The following ARL6IP5 variants were observed in gnomAD, a reference collection of about 807,000 sequenced individuals.
The protein encoded by ARL6IP5 is ARF like GTPase 6 interacting protein 5, also known as PRA1 family protein 3.
Under a neutral mutation model 13.0 loss-of-function variants are expected in ARL6IP5, and 6 were observed. The ratio of observed to expected loss-of-function variants is 0.46; its 90% CI spans 0.25 to 0.91. The LOEUF (loss-of-function observed/expected upper bound fraction) is 0.91, where lower values mean the gene tolerates loss of function less well. Among genes scored for constraint, ARL6IP5 ranks in the 40% least tolerant of loss-of-function variants. The pLI, the probability that ARL6IP5 is intolerant of heterozygous loss-of-function variation, is 0.17. For missense variants in ARL6IP5, 208 were observed against 248.8 expected (o/e 0.84, Z 1.10); for synonymous variants, 91 against 91.9 (o/e 0.99, Z 0.06).
At chr3:69,085,444 T>C (rs894655213) in intron 1 of ARL6IP5, among the ~76,000 whole-genome samples, 1 of 152,050 alleles carries the variant, frequency 6.6e-6, no homozygotes, top group Non-Finnish European at 1.5e-5. Context: ...AGGGGGGCCC[T>C]AGGGGAAAGA....
At chr3:69,101,673 A>G (rs1193992107) in intron 1 of ARL6IP5, among the ~76,000 whole-genome samples, 166 bp from the exon 2 acceptor site, 1 of 152,138 alleles carries the variant, frequency 6.6e-6, no homozygotes, top group Non-Finnish European at 1.5e-5. Flanking sequence ...TGAGAAATGA[A>G]CTAATAGTAT....
chr3:69,091,333 G>A (rs546689728), intron 1 of ARL6IP5, among the ~76,000 whole-genome samples: 103 of 151,998 alleles, frequency 6.8e-4, no homozygotes, highest in African/African-American at 2.4e-3. Flanking sequence ...TCACTCTATT[G>A]CCCAGGCTGG....
At position 69,089,724 on chromosome 3, in the gene ARL6IP5, T is replaced by C. The variant is rs550569331; in HGVS notation, c.176+4501T>C. ...CAGAATCACCAACCACACACAGAAT[T>C]TGCAACATATAAAAATGCCTCTGCT... is the stretch of plus-strand genomic sequence containing the variant. On this transcript the variant is annotated intron_variant, in intron 1 of 2. Coordinates refer to ENST00000273258, the MANE Select transcript of ARL6IP5 (RefSeq NM_006407.4). 1.3e-5 allele frequency: 6 copies of C among 451,022 alleles called. No homozygotes were observed. The East Asian group carries it at 4.2e-4, about 32-fold the overall frequency. The allele number at this position is 451,022 out of a possible 1,614,324, so 27.9% of individuals were successfully genotyped here. A position where few individuals can be genotyped will look rare whatever the true frequency, so the allele number is the denominator to read the frequency against.
chr3:69,086,279 C>A (rs892730409), intron 1 of ARL6IP5, among the ~76,000 whole-genome samples: 2 of 152,214 alleles, frequency 1.3e-5, no homozygotes, highest in African/African-American at 4.8e-5. Flanking sequence ...CATTGAGCCA[C>A]CTCTCTGTGC....
At position 69,105,469 on chromosome 3, in the gene ARL6IP5, T is replaced by G. The variant is rs2092319707; in HGVS notation, c.*833T>G. 1 of 152,288 alleles carries G rather than the reference T, an allele frequency of 6.6e-6. No individual in the cohort carries two copies. The allele number at this position is 152,288 out of a possible 1,614,324, so 9.4% of individuals were successfully genotyped here. ...AAGAAAATGTTTGCCATTTTTGCAT[T>G]GTTTCGTTTTTAACTGGAACATTTA... On this transcript the variant is annotated 3_prime_UTR_variant, in exon 3 of 3. Coordinates refer to ENST00000273258, the MANE Select transcript of ARL6IP5 (RefSeq NM_006407.4).
intron 1 of ARL6IP5, among the ~76,000 whole-genome samples, chr3:69,090,875 T>A (rs1281022211): frequency 1.3e-5 from 2 of 152,214 alleles, no homozygotes; most frequent in African/African-American, 4.8e-5. Flanking sequence ...AAGAGGTCTG[T>A]CAACACACAG....
intron 2 of ARL6IP5, among the ~76,000 whole-genome samples, chr3:69,103,951 C>G (rs1290025739): frequency 6.6e-6 from 1 of 152,142 alleles, no homozygotes; most frequent in African/African-American, 2.4e-5. Flanking sequence ...CTGTAAAGCC[C>G]TTAGATTTTT....
chr3:69,096,910 T>C (rs2092289103), intron 1 of ARL6IP5, among the ~76,000 whole-genome samples: 1 of 152,128 alleles, frequency 6.6e-6, no homozygotes, highest in Non-Finnish European at 1.5e-5. Context: ...CGATCTTTGT[T>C]TTTCTTTACG....
chr3:69,089,977 A>G (rs538845037), intron 1 of ARL6IP5: 1 of 402,512 alleles, frequency 2.5e-6, no homozygotes, highest in East Asian at 7.2e-5. Context: ...AGTTTCTAGA[A>G]GGCTGGTAAT....
intron 2 of ARL6IP5, among the ~76,000 whole-genome samples, chr3:69,104,148 A>C (rs144005944): frequency 6.6e-6 from 1 of 152,312 alleles, no homozygotes; most frequent in East Asian, 1.9e-4. Flanking sequence ...ATTCACTCTG[A>C]ATTTCAGGAC....
At chr3:69,102,351 G>A (rs1179807154) in intron 2 of ARL6IP5, 1 of 383,146 alleles carries the variant, frequency 2.6e-6, no homozygotes, top group South Asian at 2.6e-5. Context: ...TGTCACCCAC[G>A]CTGTGGTGTT....
chr3:69,095,393 C>A (rs904468745), intron 1 of ARL6IP5, among the ~76,000 whole-genome samples: 2 of 151,188 alleles, frequency 1.3e-5, no homozygotes, highest in African/African-American at 4.9e-5. Flanking sequence ...AAAATATATA[C>A]AAACATATGT....
chr3:69,090,528 T>C (rs2092261957), intron 1 of ARL6IP5, among the ~76,000 whole-genome samples: 1 of 152,224 alleles, frequency 6.6e-6, no homozygotes, highest in African/African-American at 2.4e-5. Context: ...CAACCTGACT[T>C]ACCTGATCTC....
At chr3:69,095,166 G>A (rs920806032) in intron 1 of ARL6IP5, among the ~76,000 whole-genome samples, 1 of 152,064 alleles carries the variant, frequency 6.6e-6, no homozygotes, top group African/African-American at 2.4e-5. Flanking sequence ...GGATCCCTTT[G>A]GATATGTTTC....
At chr3:69,098,683 T>C (rs980130599) in intron 1 of ARL6IP5, among the ~76,000 whole-genome samples, 5 of 152,218 alleles carry the variant, frequency 3.3e-5, no homozygotes, top group Middle Eastern at 3.2e-3. Flanking sequence ...TGAGCCACTG[T>C]ACTCAGCCTA....
intron 1 of ARL6IP5, among the ~76,000 whole-genome samples, chr3:69,092,711 G>A (rs2107511778): frequency 6.6e-6 from 1 of 152,120 alleles, no homozygotes; most frequent in East Asian, 1.9e-4. Flanking sequence ...GTAGAGACGG[G>A]GTTTCACCAT....
chr3:69,095,653 C>T (rs942890673), intron 1 of ARL6IP5, among the ~76,000 whole-genome samples: 6 of 152,054 alleles, frequency 3.9e-5, no homozygotes, highest in African/African-American at 1.2e-4. Context: ...CGCCACCACG[C>T]CCAGCTAATT....
rs959208446 is a variant in ARL6IP5, at chr3:69,105,670, A to G, written c.*1034A>G. 2.0e-5 allele frequency: 3 copies of G among 152,260 alleles called. No homozygotes were observed. Among genetic ancestry groups the G allele is most frequent in the Admixed American group, 6.5e-5 (1 of 15,284 alleles). 9.4% of individuals were successfully genotyped at this position (152,260 alleles called of 1,614,324 possible). On this transcript the variant is annotated 3_prime_UTR_variant, in exon 3 of 3. Coordinates refer to ENST00000273258, the MANE Select transcript of ARL6IP5 (RefSeq NM_006407.4). ...AGCTAATAAAAAATTTTAGATAGCAATTGTTACAACCATATGCCTTTATAG... is the reference window on the plus strand; with the variant it reads ...AGCTAATAAAAAATTTTAGATAGCAGTTGTTACAACCATATGCCTTTATAG...
At chr3:69,089,535 T>C (rs925300906) in intron 1 of ARL6IP5, among the ~76,000 whole-genome samples, 1 of 151,602 alleles carries the variant, frequency 6.6e-6, no homozygotes, top group Non-Finnish European at 1.5e-5. Context: ...ATGGGTATAG[T>C]GGCTCACACC....
Sources: gnomAD v4.1 joint callset for allele counts (sites outside exome capture counted in the v4.1 genomes callset) on GRCh38, gnomAD v4.1.1 for gene constraint, MANE v1.5 for transcripts, NCBI Gene and HGNC (gene_info 2026-07-23, HGNC 2026-07-21) for gene names.